Variants in GPC5 observed in about 807,000 individuals in gnomAD.
GPC5 encodes the protein glypican 5.
Under a neutral mutation model 53.9 loss-of-function variants are expected in GPC5, and 47 were observed. That is an observed-to-expected ratio of 0.87 (90% CI 0.69 to 1.11). GPC5 has a LOEUF of 1.11. GPC5 is among the 50% of genes most tolerant of loss of function. The pLI is 0.00. For synonymous variants in GPC5, 286 were observed against 263.3 expected, an observed-to-expected ratio of 1.09 and a Z score of -0.84; for missense variants, 748 against 713.1, an observed-to-expected ratio of 1.05 and a Z score of -0.56.
At chr13:91,536,918 C>T (rs977352784) in intron 2 of GPC5, among the ~76,000 whole-genome samples, 19 of 152,020 alleles carry the variant, frequency 1.2e-4, no homozygotes, top group Non-Finnish European at 2.5e-4. Flanking sequence ...AATCATATGT[C>T]CATGTAAAAT....
chr13:92,451,031 A>G (rs904100465), intron 7 of GPC5, among the ~76,000 whole-genome samples: 2 of 152,214 alleles, frequency 1.3e-5, no homozygotes, highest in African/African-American at 4.8e-5. Flanking sequence ...AATCAAATCT[A>G]TCATTTTCAC....
At chr13:91,574,530 T>C (rs2032061838) in intron 2 of GPC5, among the ~76,000 whole-genome samples, 3 of 152,138 alleles carry the variant, frequency 2.0e-5, no homozygotes, top group South Asian at 4.2e-4. Flanking sequence ...TAAAAGTCTT[T>C]AGGAAAAAAT....
At chr13:92,184,001 A>T (rs1459201161) in intron 7 of GPC5, among the ~76,000 whole-genome samples, 1 of 152,068 alleles carries the variant, frequency 6.6e-6, no homozygotes, top group Non-Finnish European at 1.5e-5. Flanking sequence ...TTGAAGTGTC[A>T]TCTTAATTAT....
chr13:91,645,139 G>T (rs2139515362), intron 2 of GPC5, among the ~76,000 whole-genome samples: 1 of 152,318 alleles, frequency 6.6e-6, no homozygotes, highest in East Asian at 1.9e-4. Context: ...CAAATTGAGT[G>T]GGAGGCTACA....
At chr13:92,458,272 G>T (rs1470377296) in intron 7 of GPC5, among the ~76,000 whole-genome samples, 2 of 127,408 alleles carry the variant, frequency 1.6e-5, no homozygotes, top group African/African-American at 6.0e-5. Flanking sequence ...ATAGCATACT[G>T]CTTAACACAT....
chr13:92,615,479 C>A (rs1329775886), intron 7 of GPC5, among the ~76,000 whole-genome samples: 12 of 152,270 alleles, frequency 7.9e-5, no homozygotes, highest in Middle Eastern at 3.4e-3. Flanking sequence ...ACAAAAGGAG[C>A]TTGCCCTTGG....
At chr13:92,010,300 C>T (rs1434852109) in intron 6 of GPC5, among the ~76,000 whole-genome samples, 3 of 152,134 alleles carry the variant, frequency 2.0e-5, no homozygotes, top group Non-Finnish European at 4.4e-5. Flanking sequence ...GCCACATACA[C>T]TTGTGGGTTT....
chr13:92,173,772 T>C (rs961962734), intron 7 of GPC5, among the ~76,000 whole-genome samples: 3 of 152,186 alleles, frequency 2.0e-5, no homozygotes, highest in Non-Finnish European at 4.4e-5. Flanking sequence ...ACTTTTATTA[T>C]TATGAGCCAA....
chr13:92,529,111 T>C (rs1239483040), intron 7 of GPC5, among the ~76,000 whole-genome samples: 1 of 152,084 alleles, frequency 6.6e-6, no homozygotes, highest in African/African-American at 2.4e-5. Context: ...GAATACTTCA[T>C]AAAAAAACAA....
chr13:92,602,114 A>G (rs1884077482), intron 7 of GPC5, among the ~76,000 whole-genome samples: 1 of 147,450 alleles, frequency 6.8e-6, no homozygotes, highest in African/African-American at 2.5e-5. Context: ...AATTAATGAA[A>G]GTATTATATA....
At chr13:92,200,253 CAAT>C (rs1435795941) in intron 7 of GPC5, among the ~76,000 whole-genome samples, 7 of 152,160 alleles carry the variant, frequency 4.6e-5, no homozygotes, top group Admixed American at 3.9e-4. Context: ...AAATCAATCT[CAAT>C]GAGTGTTTTA....
intron 7 of GPC5, among the ~76,000 whole-genome samples, chr13:92,836,640 T>C (rs532454312): frequency 6.6e-6 from 1 of 152,120 alleles, no homozygotes; most frequent in Non-Finnish European, 1.5e-5. Flanking sequence ...GTTATTTCCC[T>C]AATGATATTT....
rs138464894 is a variant in GPC5 at position 92,542,746 on chromosome 13, G to A, written c.1562-323536G>A. The stretch of plus-strand genomic sequence containing the variant: ...TCTTTCACTCCTGAAGTGTATTCCC[G>A]TTAGGTACAGTATTCTTGACTGGCA... On this transcript the variant is annotated intron_variant, in intron 7 of 7. Coordinates refer to ENST00000377067, the MANE Select transcript of GPC5 (RefSeq NM_004466.6). 3.6e-3 allele frequency among the ~76,000 whole-genome samples: 541 copies of A among 152,038 alleles called. 4 individuals are homozygous for A. Among genetic ancestry groups the A allele is most frequent in the Non-Finnish European group, 3.8e-3 (260 of 67,944 alleles).
chr13:91,937,393 C>G (rs1351009786), intron 6 of GPC5, among the ~76,000 whole-genome samples: 2 of 151,992 alleles, frequency 1.3e-5, no homozygotes, highest in Non-Finnish European at 2.9e-5. Flanking sequence ...TTAGATTTAG[C>G]TGAGCTTTTA....
chr13:91,758,813 G>A (rs955662025), intron 5 of GPC5, among the ~76,000 whole-genome samples: 5 of 152,008 alleles, frequency 3.3e-5, no homozygotes, highest in Non-Finnish European at 4.4e-5. Flanking sequence ...CCAGTCTTTC[G>A]TGAACAAGCT....
intron 5 of GPC5, among the ~76,000 whole-genome samples, chr13:91,782,487 C>T (rs1347870648): frequency 6.6e-6 from 1 of 152,068 alleles, no homozygotes; most frequent in Non-Finnish European, 1.5e-5. Context: ...GAGACTGCCC[C>T]TTAGAAAACC....
chr13:91,626,816 C>A (rs1345121175), intron 2 of GPC5, among the ~76,000 whole-genome samples: 4 of 151,998 alleles, frequency 2.6e-5, no homozygotes, highest in African/African-American at 9.7e-5. Flanking sequence ...CTATCCCTCC[C>A]CATTCCCCCA....
rs150193752 is a variant in GPC5 at position 92,764,160 on chromosome 13, G to A, written c.1562-102122G>A. On this transcript the variant is annotated intron_variant, in intron 7 of 7. Transcript: ENST00000377067. ...GCAATGTACTGCTTTAGCTCAGGCCGATGGACAAATGCAACAGTTACTGGT... is the reference window on the plus strand; with the variant it reads ...GCAATGTACTGCTTTAGCTCAGGCCAATGGACAAATGCAACAGTTACTGGT... Among the ~76,000 whole-genome samples the A allele has an allele frequency of 2.0e-3, 306 of 152,296 alleles. 1 individual carries two copies. Among genetic ancestry groups the A allele is most frequent in the African/African-American group, 7.0e-3 (291 of 41,558 alleles).
intron 7 of GPC5, among the ~76,000 whole-genome samples, chr13:92,621,931 C>A (rs566094520): frequency 6.6e-6 from 1 of 152,104 alleles, no homozygotes; most frequent in African/African-American, 2.4e-5. Context: ...ACTACAACAA[C>A]AAAAACAACA....
Sources: gnomAD v4.1 joint callset for allele counts (sites outside exome capture counted in the v4.1 genomes callset) on GRCh38, gnomAD v4.1.1 for gene constraint, MANE v1.5 for transcripts, NCBI Gene and HGNC (gene_info 2026-07-23, HGNC 2026-07-21) for gene names.